The following FGF14 variants were observed in gnomAD, a reference collection of about 807,000 sequenced individuals.
FGF14 encodes fibroblast growth factor homologous factor 4.
FGF14 carries 5 observed loss-of-function variants against 25.5 expected under a neutral mutation model. The observed-to-expected ratio is 0.20, with a 90% CI of 0.10 to 0.41. FGF14 has a LOEUF of 0.41. Ranked by LOEUF, FGF14 falls within the 10% of genes least tolerant of loss-of-function variation. FGF14 has a pLI of 1.00. For missense variants in FGF14, 222 were observed against 320.1 expected (o/e 0.69, Z 2.34); for synonymous variants, 138 against 118.3 (o/e 1.17, Z -1.08).
rs918527052 is a variant in FGF14, at chr13:101,713,192, G to C, written c.*9639C>G. 1.3e-5 allele frequency: 2 copies of C among 152,182 alleles called. No individual in the cohort carries two copies. The highest frequency in any genetic ancestry group is 4.8e-5 in the African/African-American group (2 of 41,454). The allele number at this position is 152,182 out of a possible 1,614,324, so 9.4% of individuals were successfully genotyped here. ...ATGCATATACCAGTTTCCCTGATAT[G>C]AAATATCACATAGTTGAGACACATG... On this transcript the variant is annotated 3_prime_UTR_variant, in exon 5 of 5. Transcript: ENST00000376143.
Position 101,932,207 on chromosome 13 carries a change from T to C in FGF14, c.209-56911A>G, listed in dbSNP as rs186436797. Among the ~76,000 whole-genome samples the C allele has an allele frequency of 2.6e-5, 4 of 152,162 alleles. No individual in the cohort carries two copies. The East Asian group carries it at 7.7e-4, about 29-fold the overall frequency. On this transcript the variant is annotated intron_variant, in intron 1 of 4. Transcript: ENST00000376131. Reference sequence around the variant, plus strand: ...TTTATTTTGAGCCCACAGGAAAAGGTGTATGGCGTTCTTTTCATTGCTTTT... The same window carrying C: ...TTTATTTTGAGCCCACAGGAAAAGGCGTATGGCGTTCTTTTCATTGCTTTT...
chr13:101,935,323 C>A (rs1203989020), intron 1 of FGF14, among the ~76,000 whole-genome samples: 1 of 152,190 alleles, frequency 6.6e-6, no homozygotes, highest in Non-Finnish European at 1.5e-5. Context: ...TGGCTTCTCA[C>A]ATTCTGCTGA....
chr13:101,975,873 G>C (rs886643240), intron 1 of FGF14, among the ~76,000 whole-genome samples: 1 of 152,164 alleles, frequency 6.6e-6, no homozygotes, highest in East Asian at 1.9e-4. Context: ...CTTGGACAAA[G>C]TAGAAAATAT....
At chr13:102,069,769 T>C (rs1016378103) in intron 1 of FGF14, among the ~76,000 whole-genome samples, 5 of 151,474 alleles carry the variant, frequency 3.3e-5, no homozygotes, top group Admixed American at 3.3e-4. Context: ...GCTGTAACAC[T>C]CACTGCGAGG....
chr13:101,944,012 A>C (rs1456434611), intron 1 of FGF14, among the ~76,000 whole-genome samples: 3 of 91,696 alleles, frequency 3.3e-5, no homozygotes, highest in Non-Finnish European at 5.6e-5. Flanking sequence ...AAAAAAAAAA[A>C]AACAAAAAAA....
At chr13:101,850,293 A>T (rs1339878092) in intron 3 of FGF14, among the ~76,000 whole-genome samples, 1 of 142,888 alleles carries the variant, frequency 7.0e-6, no homozygotes, top group Non-Finnish European at 1.5e-5. Flanking sequence ...AAAAAAAAAA[A>T]AAAAAAAAAA....
chr13:102,109,373 G>A (rs918510603), intron 1 of FGF14, among the ~76,000 whole-genome samples: 2 of 151,950 alleles, frequency 1.3e-5, no homozygotes, highest in African/African-American at 4.8e-5. Context: ...TAATAACAAC[G>A]TTTTGTATAC....
At chr13:102,227,540 ATT>A (rs2050881552) in intron 1 of FGF14, among the ~76,000 whole-genome samples, 1 of 152,112 alleles carries the variant, frequency 6.6e-6, no homozygotes, top group Admixed American at 6.6e-5. Flanking sequence ...TGTAGTAGGT[ATT>A]CATGTTTCGC....
chr13:101,811,403 A>G (rs1269896396), intron 3 of FGF14, among the ~76,000 whole-genome samples: 5 of 152,140 alleles, frequency 3.3e-5, no homozygotes, highest in Admixed American at 6.5e-5. Context: ...AATTAGTAAG[A>G]GACTTCTAAC....
upstream of FGF14, among the ~76,000 whole-genome samples, chr13:101,919,676 C>T (rs974872572): frequency 6.6e-6 from 1 of 151,982 alleles, no homozygotes. Flanking sequence ...GAAGCAAGTT[C>T]GCTGATGGAG....
chr13:102,196,405 G>A (rs986584611), intron 1 of FGF14, among the ~76,000 whole-genome samples: 4 of 152,072 alleles, frequency 2.6e-5, no homozygotes, highest in African/African-American at 4.8e-5. Context: ...AAGCAAAAAA[G>A]CCTCAGGAAA....
At chr13:101,821,745 TAATGGTATC>T (rs1163248811) in intron 3 of FGF14, among the ~76,000 whole-genome samples, 1 of 152,216 alleles carries the variant, frequency 6.6e-6, no homozygotes, top group Non-Finnish European at 1.5e-5. Flanking sequence ...GGTGGGAGTC[TAATGGTATC>T]AGTTTGTGGT....
chr13:102,286,204 T>C (rs1348059220), intron 1 of FGF14, among the ~76,000 whole-genome samples: 1 of 152,144 alleles, frequency 6.6e-6, no homozygotes, highest in Non-Finnish European at 1.5e-5. Context: ...ACAAGCTCTC[T>C]CCTGCATGCA....
chr13:101,839,584 G>A (rs761148563), intron 3 of FGF14, among the ~76,000 whole-genome samples: 2 of 151,992 alleles, frequency 1.3e-5, no homozygotes, highest in Non-Finnish European at 2.9e-5. Context: ...GAGTACAGGA[G>A]ATGTTTTGAT....
At chr13:102,070,142 G>T (rs1291756412) in intron 1 of FGF14, among the ~76,000 whole-genome samples, 4 of 152,094 alleles carry the variant, frequency 2.6e-5, no homozygotes, top group African/African-American at 7.2e-5. Context: ...TCTTACAAAG[G>T]ATTAACCAGA....
chr13:101,916,639 C>T lies in FGF14; in HGVS notation c.7G>A (p.Ala3Thr). 6.4e-7 allele frequency: 1 copy of T among 1,564,432 alleles called. No homozygotes were observed. Among genetic ancestry groups the T allele is most frequent in the Non-Finnish European group, 8.7e-7 (1 of 1,151,982 alleles). The change falls in exon 1 of 5, where the codon GCG (alanine) becomes ACG (threonine). Residue 3 changes from alanine (A) to threonine (T), a missense_variant. By Grantham distance (58) the Ala-to-Thr change is moderately conservative (BLOSUM62 0). Transcript: ENST00000376143. ...CGGATCAAGCCGCTAGCGATGGCCG[C>T]GGCCATGGTGGCCCCGGGAACGGGT... MA[A>T]AIASGLIRQK... is the part of the protein sequence containing the mutation.
At chr13:101,887,271 A>G (rs2046037371) in intron 1 of FGF14, among the ~76,000 whole-genome samples, 1 of 151,960 alleles carries the variant, frequency 6.6e-6, no homozygotes, top group South Asian at 2.1e-4. Flanking sequence ...GTCAATGTCC[A>G]TCAATGGATG....
In FGF14 at chr13:101,722,577, T is replaced by TA. The variant is rs2035066312; in HGVS notation, c.*253dup. 1.9e-6 allele frequency: 1 copy of TA among 527,166 alleles called. No homozygotes were observed. Among genetic ancestry groups the TA allele is most frequent in the African/African-American group, 1.9e-5 (1 of 52,274 alleles). The allele number at this position is 527,166 out of a possible 1,614,324, so 32.7% of individuals were successfully genotyped here. On this transcript the variant is annotated 3_prime_UTR_variant, in exon 5 of 5. Transcript: ENST00000376143. ...TGAAGTGTCACAGTCACAGAAAAGA[T>TA]ATTAAAAAGGCATTCCATATCTGGT... is the stretch of plus-strand genomic sequence containing the variant.
intron 1 of FGF14, among the ~76,000 whole-genome samples, chr13:102,257,342 CTTTTTTTTT>C (rs71125058): frequency 3.1e-4 from 10 of 32,576 alleles, no homozygotes; most frequent in Non-Finnish European, 4.3e-4. Context: ...CCTTTCTTTT[CTTTTTTTTT>C]TTTTTTTTTT....
Sources: allele counts gnomAD v4.1 joint callset (sites outside exome capture counted in the v4.1 genomes callset), GRCh38; gene constraint gnomAD v4.1.1; transcripts MANE v1.5; gene names NCBI Gene and HGNC (gene_info 2026-07-23, HGNC 2026-07-21).